The following GRM4 variants were observed in gnomAD, a reference collection of about 807,000 sequenced individuals.
GRM4 encodes the protein glutamate metabotropic receptor 4.
Under a neutral mutation model 81.7 loss-of-function variants are expected in GRM4, and 28 were observed. That is an observed-to-expected ratio of 0.34 (90% CI 0.25 to 0.47). GRM4 has a LOEUF of 0.47. GRM4 is among the 20% of genes least tolerant of loss of function. GRM4 has a pLI of 1.00. For synonymous variants in GRM4, 488 were observed against 528.8 expected, an observed-to-expected ratio of 0.92 and a Z score of 1.06; for missense variants, 948 against 1,290.0, an observed-to-expected ratio of 0.73 and a Z score of 4.06.
chr6:34,084,788 T>G (rs745944409), intron 3 of GRM4, among the ~76,000 whole-genome samples: 1 of 152,184 alleles, frequency 6.6e-6, no homozygotes, highest in Non-Finnish European at 1.5e-5. Context: ...GTTCCTACTG[T>G]TCTCCCACCT....
chr6:34,058,265 C>G (rs562951564), intron 5 of GRM4, among the ~76,000 whole-genome samples: 1 of 152,226 alleles, frequency 6.6e-6, no homozygotes, highest in Non-Finnish European at 1.5e-5. Flanking sequence ...GGCCAGGGAG[C>G]TCCCTCTGCC....
chr6:34,144,148 G>C (rs902195135), intron 1 of GRM4, among the ~76,000 whole-genome samples: 3 of 152,236 alleles, frequency 2.0e-5, no homozygotes, highest in Admixed American at 2.0e-4. Context: ...AGGGGCAGGG[G>C]GCGCTCGTAC....
At chr6:34,044,363 G>GACACACACAT (rs1282092439) in intron 6 of GRM4, among the ~76,000 whole-genome samples, 1 of 84,942 alleles carries the variant, frequency 1.2e-5, no homozygotes, top group Non-Finnish European at 2.5e-5. Context: ...TATATACACA[G>GACACACACAT]ACACACACAT....
At chr6:34,103,474 C>T in intron 2 of GRM4, 4 of 847,640 alleles carry the variant, frequency 4.7e-6, no homozygotes, top group South Asian at 4.6e-5. Context: ...GATAAGAGCG[C>T]CCGAGAGAGC....
In GRM4 at chr6:34,059,360, G is replaced by A. The variant is rs1322276687; in HGVS notation, c.873-232C>T. 6 of 564,256 alleles carry A rather than the reference G, an allele frequency of 1.1e-5. No homozygotes were observed. Among genetic ancestry groups the A allele is most frequent in the African/African-American group, 1.9e-5 (1 of 52,974 alleles). 35.0% of individuals were successfully genotyped at this position (564,256 alleles called of 1,614,324 possible). On this transcript the variant is annotated intron_variant, in intron 4 of 10. Transcript: ENST00000538487. The surrounding 1 kb of genome is among the most constrained non-coding windows in gnomAD (Gnocchi z 5.7). ...CCAACCTGCCTGCCCCTGGGCCCAC[G>A]CCTGCTGCAGGCCCAGCGTGATTCT... is the stretch of plus-strand genomic sequence containing the variant.
At chr6:34,147,200 G>A (rs567328262), upstream of GRM4, among the ~76,000 whole-genome samples, 2 of 152,326 alleles carry the variant, frequency 1.3e-5, no homozygotes, top group South Asian at 4.1e-4. Flanking sequence ...ATTCATTCAT[G>A]CTTTTATTTT....
exon 1 of GRM4, chr6:34,155,483 A>T (rs1002360763): frequency 1.3e-6 from 1 of 799,426 alleles, no homozygotes. Flanking sequence ...GAGAGCTTTA[A>T]AATTTCCCTG....
At position 34,133,563 on chromosome 6, in the gene GRM4, C is replaced by T. The variant is rs1004636271; in HGVS notation, c.-67G>A. Reference sequence around the variant, plus strand: ...TAGCCCTGGCAGGCCCCTGGCCCCACGGCCTGGGTGGGCATGGGCAGGGCA... The same window carrying T: ...TAGCCCTGGCAGGCCCCTGGCCCCATGGCCTGGGTGGGCATGGGCAGGGCA... On this transcript the variant is annotated 5_prime_UTR_variant, in exon 2 of 11. It adds an upstream start codon to the 5' untranslated region. Coordinates refer to ENST00000538487, the MANE Select transcript of GRM4 (RefSeq NM_000841.4). This position sits in a 1 kb window ranked among gnomAD's most constrained non-coding sequence, Gnocchi z 6.5. 13 of 1,496,156 alleles carry T rather than the reference C, an allele frequency of 8.7e-6. No homozygotes were observed. The highest frequency in any genetic ancestry group is 9.7e-6 in the Non-Finnish European group (11 of 1,130,112). The allele number at this position is 1,496,156 out of a possible 1,614,324, so 92.7% of individuals were successfully genotyped here.
At chr6:34,145,725 T>G (rs1247218914) in intron 1 of GRM4, among the ~76,000 whole-genome samples, 1 of 152,186 alleles carries the variant, frequency 6.6e-6, no homozygotes, top group South Asian at 2.1e-4. Context: ...CCACAGCCGC[T>G]GCTGCACCCG....
At chr6:34,101,285 T>C (rs3887555) in intron 2 of GRM4, among the ~76,000 whole-genome samples, 91,594 of 152,006 alleles carry the variant, frequency 0.6, 28,012 homozygotes, top group African/African-American at 0.68. Context: ...CTTACCATAG[T>C]CCTATGAGGT....
intron 6 of GRM4, among the ~76,000 whole-genome samples, chr6:34,043,893 C>T (rs2127448816): frequency 6.6e-6 from 1 of 152,280 alleles, no homozygotes; most frequent in African/African-American, 2.4e-5. Context: ...CCAGTGCTGT[C>T]ACAGCAGCGT....
At position 34,034,252 on chromosome 6, in the gene GRM4, A is replaced by T. The variant is rs1562011465; in HGVS notation, c.2442+1416T>A. Among the ~76,000 whole-genome samples the T allele has an allele frequency of 6.6e-6, 1 of 152,144 alleles. No homozygotes were observed. The highest frequency in any genetic ancestry group is 1.5e-5 in the Non-Finnish European group (1 of 68,030). On this transcript the variant is annotated intron_variant, in intron 9 of 10. Coordinates refer to ENST00000538487, the MANE Select transcript of GRM4 (RefSeq NM_000841.4). This position sits in a 1 kb window ranked among gnomAD's most constrained non-coding sequence, Gnocchi z 4.0. ...CTCTCATTGTCTGCTCTTCCTTAGC[A>T]TGGGAAACTCCTTCCTTCCTGATTG...
chr6:34,127,999 G>T (rs184134287), intron 2 of GRM4, among the ~76,000 whole-genome samples: 1 of 152,204 alleles, frequency 6.6e-6, no homozygotes, highest in Non-Finnish European at 1.5e-5. Context: ...AACATGGGAC[G>T]AGGGGAGGGA....
At chr6:34,124,125 C>T (rs1471769417) in intron 2 of GRM4, among the ~76,000 whole-genome samples, 3 of 152,192 alleles carry the variant, frequency 2.0e-5, no homozygotes, top group Non-Finnish European at 4.4e-5. Context: ...CCACGACACC[C>T]TCTGCCAGCA....
intron 3 of GRM4, among the ~76,000 whole-genome samples, chr6:34,077,288 C>T (rs2499698): frequency 0.36 from 54,334 of 151,962 alleles, 14,441 homozygotes; most frequent in African/African-American, 0.74. Flanking sequence ...CAGCACATGC[C>T]GCTCTCACAC....
rs13219562 is a variant in GRM4, at chr6:34,048,387, G to C, written c.1169-7639C>G. ...CAAGAAGGATCAGCTCTCGACTCCT[G>C]CCTGGTTCTGAGGCCAACACACCTC... On this transcript the variant is annotated intron_variant, in intron 6 of 10. Coordinates refer to ENST00000538487, the MANE Select transcript of GRM4 (RefSeq NM_000841.4). This position sits in a 1 kb window ranked among gnomAD's most constrained non-coding sequence, Gnocchi z 4.0. Among the ~76,000 whole-genome samples, 2,498 of 152,104 alleles carry C rather than the reference G, an allele frequency of 0.016. 43 individuals are homozygous for C. Among genetic ancestry groups the C allele is most frequent in the African/African-American group, 0.042 (1,735 of 41,498 alleles).
In GRM4 at chr6:34,115,947, C is replaced by T. The variant is rs148473265; in HGVS notation, c.519+17031G>A. Among the ~76,000 whole-genome samples, 201 of 152,296 alleles carry T rather than the reference C, an allele frequency of 1.3e-3. No homozygotes were observed. Among genetic ancestry groups the T allele is most frequent in the African/African-American group, 4.5e-3 (189 of 41,566 alleles). ...CGATGTTGGCCGCACCAGAAGAGGG[C>T]TTTAATTACATACAAGTGGGTTTTC... On this transcript the variant is annotated intron_variant, in intron 2 of 10. Coordinates refer to ENST00000538487, the MANE Select transcript of GRM4 (RefSeq NM_000841.4). This position sits in a 1 kb window ranked among gnomAD's most constrained non-coding sequence, Gnocchi z 4.1.
intron 6 of GRM4, among the ~76,000 whole-genome samples, chr6:34,050,377 G>A (rs749709684): frequency 6.6e-6 from 1 of 152,168 alleles, no homozygotes; most frequent in Non-Finnish European, 1.5e-5. Flanking sequence ...TCATGGGGGC[G>A]GATTCCTCAT....
intron 3 of GRM4, among the ~76,000 whole-genome samples, chr6:34,075,587 G>C (rs1348101113): frequency 1.3e-5 from 2 of 152,228 alleles, no homozygotes; most frequent in Non-Finnish European, 2.9e-5. Context: ...GCTGTGGTCA[G>C]TTTTGGAACT....
Sources: gnomAD v4.1 joint callset for allele counts (sites outside exome capture counted in the v4.1 genomes callset) on GRCh38, gnomAD v4.1.1 for gene constraint, Gnocchi (gnomAD v3.1) non-coding constraint, MANE v1.5 for transcripts, NCBI Gene and HGNC (gene_info 2026-07-23, HGNC 2026-07-21) for gene names.